ADGRG4: variants seen among roughly 807,000 people sequenced by gnomAD.
The protein encoded by ADGRG4 is adhesion G protein-coupled receptor G4.
In ADGRG4, 122 loss-of-function variants were observed where a neutral mutation model predicts 126.2. That is an observed-to-expected ratio of 0.97 (90% CI 0.83 to 1.12). ADGRG4 has a LOEUF of 1.12. Among genes scored for constraint, ADGRG4 ranks in the 50% most tolerant of loss-of-function variants. The pLI is 0.00. For synonymous variants in ADGRG4, 943 were observed against 838.7 expected (o/e 1.12, Z -2.15); for missense variants, 2,481 against 2,251.8 (o/e 1.10, Z -2.06).
intron 15 of ADGRG4, 56 bp from the exon 16 acceptor site, chrX:136,387,684 G>C (rs1372114013): frequency 1.8e-5 from 20 of 1,135,594 alleles, no homozygotes; most frequent in Non-Finnish European, 2.1e-5. Flanking sequence ...AGGTGGGCAG[G>C]ACTTCACTAT....
rs1247176905 is a variant in ADGRG4, at chrX:136,308,621, A to C, written c.-9-148A>C. The C allele has an allele frequency of 6.2e-6, 3 of 482,279 alleles. No individual in the cohort carries two copies. In the East Asian group the frequency reaches 1.0e-4, roughly 17 times the overall value. 39.7% of individuals were successfully genotyped at this position (482,279 alleles called of 1,213,427 possible). Reference sequence around the variant, plus strand: ...CAGCCAGGCTGGGTATCTCTGGTAAATGCCTATCATGTGGTTGGCTGACAT... The same window carrying C: ...CAGCCAGGCTGGGTATCTCTGGTAACTGCCTATCATGTGGTTGGCTGACAT... On this transcript the variant is annotated intron_variant, in intron 3 of 25. Transcript: ENST00000394143.
At chrX:136,403,082 A>C (rs1240596853) in intron 21 of ADGRG4, among the ~76,000 whole-genome samples, 162 bp from the exon 22 acceptor site, 1 of 112,574 alleles carries the variant, frequency 8.9e-6, no homozygotes, top group Non-Finnish European at 1.9e-5. Flanking sequence ...GAAATGCTTA[A>C]CTTGGAAGAA....
intron 5 of ADGRG4, among the ~76,000 whole-genome samples, chrX:136,326,893 T>C (rs1168002433): frequency 9.1e-6 from 1 of 110,486 alleles, no homozygotes; most frequent in Non-Finnish European, 1.9e-5. Flanking sequence ...AAATTATATA[T>C]ATATTTATAT....
In ADGRG4 at chrX:136,392,461, G is replaced by A. The variant is rs148085999; in HGVS notation, c.8034+107G>A. ...AACAGATGTGATTCTAACACTTAAT[G>A]AGGAATGTCCTATTCCAGGTAGCAA... On this transcript the variant is annotated intron_variant, in intron 17 of 25. Coordinates refer to ENST00000394143, the MANE Select transcript of ADGRG4 (RefSeq NM_153834.4). 1,538 of 679,872 alleles carry A rather than the reference G, an allele frequency of 2.3e-3. 13 individuals carry two copies. In the African/African-American group the frequency reaches 0.027, roughly 12 times the overall value. The allele number at this position is 679,872 out of a possible 1,213,427, so 56.0% of individuals were successfully genotyped here.
At chrX:136,317,563 TAAAAG>T (rs772857935) in intron 4 of ADGRG4, among the ~76,000 whole-genome samples, 2 of 85,153 alleles carry the variant, frequency 2.3e-5, no homozygotes, top group East Asian at 7.4e-4. Context: ...GCATGAGCAA[TAAAAG>T]AAAAGAAAAA....
Position 136,347,917 on chromosome X carries a change from C to T in ADGRG4, c.4211C>T (p.Thr1404Ile). 8.3e-7 allele frequency: 1 copy of T among 1,207,375 alleles called. No individual in the cohort carries two copies. The highest frequency in any genetic ancestry group is 1.7e-5 in the African/African-American group (1 of 57,726). The stretch of plus-strand genomic sequence containing the variant: ...ATGATAGTAAACTCCACCTATGTGA[C>T]TCACTCTGTCTCATATGGCCAGGAT... ...VEMIVNSTYV[T>I]HSVSYGQDTS... The change falls in exon 6 of 26, where the codon ACT (threonine) becomes ATT (isoleucine). Residue 1404 changes from threonine to isoleucine, a missense_variant. Thr to Ile is a moderately conservative substitution (Grantham distance 89, BLOSUM62 -1). Coordinates refer to ENST00000394143, the MANE Select transcript of ADGRG4 (RefSeq NM_153834.4).
Position 136,380,604 on chromosome X carries a change from C to CT in ADGRG4, c.7777-7135dup, listed in dbSNP as rs2075255782. 1.7e-3 allele frequency among the ~76,000 whole-genome samples: 94 copies of CT among 55,332 alleles called. 1 individual carries two copies. The highest frequency in any genetic ancestry group is 5.8e-3 in the East Asian group (12 of 2,082). 48.0% of individuals were successfully genotyped at this position (55,332 alleles called of 115,157 possible). On this transcript the variant is annotated intron_variant, in intron 15 of 25. Coordinates refer to ENST00000394143, the MANE Select transcript of ADGRG4 (RefSeq NM_153834.4). Reference sequence around the variant, plus strand: ...CCTCCTCCTCCTCCTCCTCCTCCTCCTCTTCTTCTTCTTCTTCTTCTTCTT... The same window carrying CT: ...CCTCCTCCTCCTCCTCCTCCTCCTCCTTCTTCTTCTTCTTCTTCTTCTTCTT...
At chrX:136,380,918 T>G in intron 15 of ADGRG4, among the ~76,000 whole-genome samples, 1 of 108,779 alleles carries the variant, frequency 9.2e-6, no homozygotes, top group Admixed American at 9.9e-5. Context: ...GGGTCTTTCT[T>G]TGTTGCCCAC....
At chrX:136,314,070 C>T (rs182216043) in intron 4 of ADGRG4, among the ~76,000 whole-genome samples, 56 of 110,990 alleles carry the variant, frequency 5.0e-4, no homozygotes, top group Non-Finnish European at 8.1e-4. Context: ...TAAATCTGAC[C>T]GTTTTCTTTT....
At chrX:136,307,104 T>C (rs993502397) in intron 3 of ADGRG4, among the ~76,000 whole-genome samples, 3 of 112,431 alleles carry the variant, frequency 2.7e-5, no homozygotes, top group Admixed American at 1.9e-4. Flanking sequence ...GAAACATACC[T>C]TGAAGTTGTT....
At chrX:136,415,999 A>C (rs1603301937) in intron 25 of ADGRG4, among the ~76,000 whole-genome samples, 1 of 112,319 alleles carries the variant, frequency 8.9e-6, no homozygotes, top group African/African-American at 3.2e-5. Context: ...TACTAGTGAC[A>C]GCCAGAAGCT....
chrX:136,403,092 A>T, intron 21 of ADGRG4, 152 bp from the exon 22 acceptor site: 1 of 438,271 alleles, frequency 2.3e-6, no homozygotes, highest in Non-Finnish European at 4.0e-6. Flanking sequence ...ACTTGGAAGA[A>T]TTCACAAACA....
Position 136,348,277 on chromosome X carries a change from C to A in ADGRG4, c.4571C>A (p.Thr1524Asn). 8.3e-7 allele frequency: 1 copy of A among 1,209,948 alleles called. No homozygotes were observed. The highest frequency in any genetic ancestry group is 1.1e-6 in the Non-Finnish European group (1 of 894,023). ...TTGCCAGTTAATGTAACTGCCTTCA[C>A]CTCCAAAAAAGTTTCTGACACTCCC... ...SSLPVNVTAFTSKKVSDTPPI... is the reference protein window; with the variant it reads ...SSLPVNVTAFNSKKVSDTPPI... Residue 1524 changes from threonine (T) to asparagine (N), a missense_variant, in exon 6 of 26, where the codon ACC (threonine) becomes AAC (asparagine). Physicochemically the swap from Thr to Asn is moderately conservative, Grantham distance 65 (BLOSUM62 0). Transcript: ENST00000394143.
At chrX:136,392,950 A>G (rs756209567) in intron 17 of ADGRG4, among the ~76,000 whole-genome samples, 2 of 112,006 alleles carry the variant, frequency 1.8e-5, no homozygotes, top group African/African-American at 6.5e-5. Context: ...GAAGAGAAGG[A>G]AGAGAGGGAG....
intron 15 of ADGRG4, among the ~76,000 whole-genome samples, chrX:136,374,084 T>A (rs2075211069): frequency 8.9e-6 from 1 of 112,194 alleles, no homozygotes; most frequent in Non-Finnish European, 1.9e-5. Flanking sequence ...TCTGCGATAG[T>A]TTTTCCTGTT....
intron 10 of ADGRG4, 67 bp from the exon 11 acceptor site, chrX:136,359,225 A>C: frequency 2.1e-6 from 2 of 937,588 alleles, no homozygotes; most frequent in Middle Eastern, 2.8e-4. Context: ...GAATTTCTGC[A>C]TTGCAGGCCA....
intron 1 of ADGRG4, among the ~76,000 whole-genome samples, chrX:136,301,945 C>T (rs1449786640): frequency 8.9e-6 from 1 of 111,940 alleles, no homozygotes; most frequent in African/African-American, 3.3e-5. Context: ...GTGTATATCT[C>T]TGTTTTGGTA....
At chrX:136,353,831 G>A (rs962452111) in intron 8 of ADGRG4, among the ~76,000 whole-genome samples, 8 of 112,219 alleles carry the variant, frequency 7.1e-5, no homozygotes, top group African/African-American at 2.6e-4. Flanking sequence ...AAGCAAGAAT[G>A]TTGACTAATC....
intron 5 of ADGRG4, among the ~76,000 whole-genome samples, chrX:136,340,653 C>A (rs897654676): frequency 8.1e-5 from 9 of 110,921 alleles, no homozygotes; most frequent in Non-Finnish European, 1.3e-4. Context: ...GGGGTGTTTC[C>A]ATATAAATTG....
Sources: allele counts gnomAD v4.1 joint callset (sites outside exome capture counted in the v4.1 genomes callset), GRCh38; gene constraint gnomAD v4.1.1; transcripts MANE v1.5; gene names NCBI Gene and HGNC (gene_info 2026-07-23, HGNC 2026-07-21).